Variants in TRAPPC13 observed in about 807,000 individuals in gnomAD.
TRAPPC13 encodes the protein trafficking protein particle complex subunit 13.
A neutral mutation model predicts 54.0 loss-of-function variants in TRAPPC13; 39 were observed. The ratio of observed to expected loss-of-function variants is 0.72; its 90% CI spans 0.56 to 0.94. The LOEUF (loss-of-function observed/expected upper bound fraction) is 0.94. TRAPPC13 is among the 40% of genes least tolerant of loss of function. TRAPPC13 has a pLI of 0.00. For missense variants in TRAPPC13, 386 were observed against 488.1 expected, an observed-to-expected ratio of 0.79 and a Z score of 1.97; for synonymous variants, 148 against 167.7, an observed-to-expected ratio of 0.88 and a Z score of 0.91.
intron 1 of TRAPPC13, among the ~76,000 whole-genome samples, chr5:65,627,113 C>CA (rs1338288300): frequency 2.0e-5 from 2 of 100,042 alleles, no homozygotes; most frequent in African/African-American, 3.8e-5. Flanking sequence ...GCCTGGGTGA[C>CA]AGAGTGAGAC....
rs1251905278 is a variant in TRAPPC13 at position 65,665,901 on chromosome 5, AAG to A, written c.*1293_*1294del. ...AATGTATATATAATTTCTTAAATGT[AAG>A]AGTGCATTAAATCAAATACAAAAAT... On this transcript the variant is annotated 3_prime_UTR_variant, in exon 13 of 13. Coordinates refer to ENST00000399438, the MANE Select transcript of TRAPPC13 (RefSeq NM_024941.4). The A allele has an allele frequency of 6.6e-6, 1 of 152,642 alleles. No homozygotes were observed. Among genetic ancestry groups the A allele is most frequent in the African/African-American group, 2.4e-5 (1 of 41,476 alleles). 9.5% of individuals were successfully genotyped at this position (152,642 alleles called of 1,614,324 possible). A position where few individuals can be genotyped will look rare whatever the true frequency, so the allele number is the denominator to read the frequency against.
chr5:65,648,314 G>T (rs192532033), intron 5 of TRAPPC13, among the ~76,000 whole-genome samples: 2 of 152,260 alleles, frequency 1.3e-5, no homozygotes, highest in East Asian at 3.9e-4. Context: ...TGCTAGACTA[G>T]ATTAAATCCC....
At chr5:65,639,048 C>T (rs978307277) in intron 4 of TRAPPC13, among the ~76,000 whole-genome samples, 1 of 152,198 alleles carries the variant, frequency 6.6e-6, no homozygotes, top group East Asian at 1.9e-4. Flanking sequence ...TGTGCCACTG[C>T]ACTCCAGGCT....
intron 1 of TRAPPC13, among the ~76,000 whole-genome samples, chr5:65,626,596 C>T (rs1755244017): frequency 6.6e-6 from 1 of 152,060 alleles, no homozygotes; most frequent in Non-Finnish European, 1.5e-5. Flanking sequence ...GTTAGCCAGG[C>T]GTGGTGGCGG....
intron 5 of TRAPPC13, among the ~76,000 whole-genome samples, chr5:65,650,032 A>G (rs1399840068): frequency 6.8e-6 from 1 of 147,532 alleles, no homozygotes; most frequent in Non-Finnish European, 1.5e-5. Context: ...GATTTTTTGT[A>G]TTTTTTTAGT....
At chr5:65,663,715 A>G (rs1756920642) in intron 11 of TRAPPC13, 1 of 152,318 alleles carries the variant, frequency 6.6e-6, no homozygotes, top group East Asian at 1.9e-4. Flanking sequence ...TATAAGCAGA[A>G]GTAGTCTTTT....
intron 1 of TRAPPC13, among the ~76,000 whole-genome samples, chr5:65,632,102 C>T (rs756656926): frequency 1.1e-4 from 16 of 151,316 alleles, no homozygotes; most frequent in Middle Eastern, 3.4e-3. Flanking sequence ...AAAAATTAAC[C>T]GGGCATGGTG....
intron 1 of TRAPPC13, among the ~76,000 whole-genome samples, chr5:65,629,243 G>A (rs28126): frequency 0.62 from 94,135 of 151,910 alleles, 29,466 homozygotes; most frequent in South Asian, 0.64. Flanking sequence ...GACTACTAGC[G>A]TTTTTAGGCA....
chr5:65,645,813 AAC>A (rs1756181366), intron 4 of TRAPPC13, among the ~76,000 whole-genome samples: 1 of 152,186 alleles, frequency 6.6e-6, no homozygotes, highest in Admixed American at 6.5e-5. Context: ...CAAACAAACA[AAC>A]AAACAAAAAA....
chr5:65,647,042 AC>A lies in TRAPPC13; in HGVS notation c.301-12del. On this transcript the variant is annotated splice_polypyrimidine_tract_variant and intron_variant, in intron 4 of 12. Transcript: ENST00000399438. The stretch of plus-strand genomic sequence containing the variant: ...CATTTGGACTTTTTTTTTTTTTTTA[AC>A]TTTCTTTCAAGGCTGATCTTCAGAC... The A allele has an allele frequency of 6.7e-7, 1 of 1,497,596 alleles. No homozygotes were observed. The highest frequency in any genetic ancestry group is 8.9e-7 in the Non-Finnish European group (1 of 1,125,576). The allele number at this position is 1,497,596 out of a possible 1,614,324, so 92.8% of individuals were successfully genotyped here. A position where few individuals can be genotyped will look rare whatever the true frequency, so the allele number is the denominator to read the frequency against.
intron 3 of TRAPPC13, among the ~76,000 whole-genome samples, chr5:65,636,253 C>T (rs1232983966): frequency 1.3e-5 from 2 of 151,076 alleles, no homozygotes; most frequent in Non-Finnish European, 2.9e-5. Flanking sequence ...AAGCAATTCT[C>T]GTGCCTCAGC....
chr5:65,650,921 T>A (rs751041521), intron 6 of TRAPPC13, 39 bp downstream of exon 6: 1 of 1,408,754 alleles, frequency 7.1e-7, no homozygotes, highest in South Asian at 1.2e-5. Flanking sequence ...TTTATATGCC[T>A]TTTTCTTCCT....
chr5:65,664,701 A>C lies in TRAPPC13; in HGVS notation c.*90A>C. ...AAAATGATGACGTCAACAACGAAGT[A>C]AATATGTTACTTAAATTTTCTTTCC... On this transcript the variant is annotated 3_prime_UTR_variant, in exon 13 of 13. Transcript: ENST00000399438. 2 of 879,386 alleles carry C rather than the reference A, an allele frequency of 2.3e-6. No individual in the cohort carries two copies. Among genetic ancestry groups the C allele is most frequent in the Non-Finnish European group, 1.8e-6 (1 of 560,086 alleles). The allele number at this position is 879,386 out of a possible 1,614,324, so 54.5% of individuals were successfully genotyped here.
intron 1 of TRAPPC13, 40 bp from the exon 2 acceptor site, chr5:65,635,261 G>A (rs1162186100): frequency 1.3e-6 from 2 of 1,540,422 alleles, no homozygotes; most frequent in Admixed American, 1.7e-5. Context: ...ACCCTAAGCA[G>A]TATTAATGTT....
At chr5:65,626,873 G>A (rs1755259378) in intron 1 of TRAPPC13, among the ~76,000 whole-genome samples, 1 of 151,970 alleles carries the variant, frequency 6.6e-6, no homozygotes, top group Non-Finnish European at 1.5e-5. Flanking sequence ...GCCAGGCGTG[G>A]TGGCTCACGC....
In TRAPPC13 at chr5:65,638,900, G is replaced by A. The variant is rs531570609; in HGVS notation, c.300+1120G>A. Among the ~76,000 whole-genome samples the A allele has an allele frequency of 3.3e-5, 5 of 152,152 alleles. No individual in the cohort carries two copies. The South Asian group carries it at 6.2e-4, about 19-fold the overall frequency. On this transcript the variant is annotated intron_variant, in intron 4 of 12. Coordinates refer to ENST00000399438, the MANE Select transcript of TRAPPC13 (RefSeq NM_024941.4). ...GGAGTTCGAGACCATCCTGCCCAAC[G>A]TGGTGAAATACCATCTCTACTAAAA...
Position 65,627,131 on chromosome 5 carries a change from C to CAAAAAAAAAAAAAAAAAAAAAAAAAAAA in TRAPPC13, c.46+2051_46+2052insAAAAAAAAAAAAAAAAAAAAAAAAAAAA, listed in dbSNP as rs60169195. On this transcript the variant is annotated intron_variant, in intron 1 of 12. Coordinates refer to ENST00000399438, the MANE Select transcript of TRAPPC13 (RefSeq NM_024941.4). ...TGGGTGACAGAGTGAGACCCTGTCT[C>CAAAAAAAAAAAAAAAAAAAAAAAAAAAA]AAAAAAAAAAAAAAAAAAAAAAAAA... Among the ~76,000 whole-genome samples the CAAAAAAAAAAAAAAAAAAAAAAAAAAAA allele has an allele frequency of 1.2e-4, 4 of 32,580 alleles. 1 individual carries two copies. Among genetic ancestry groups the CAAAAAAAAAAAAAAAAAAAAAAAAAAAA allele is most frequent in the Non-Finnish European group, 6.4e-5 (1 of 15,528 alleles). The allele number at this position is 32,580 out of a possible 152,430, so 21.4% of individuals were successfully genotyped here.
intron 4 of TRAPPC13, among the ~76,000 whole-genome samples, chr5:65,640,371 TACAA>T (rs921439787): frequency 2.6e-5 from 4 of 152,184 alleles, no homozygotes; most frequent in African/African-American, 7.2e-5. Flanking sequence ...GCACCGCCTC[TACAA>T]ACAAACAAAA....
Position 65,664,981 on chromosome 5 carries a change from G to A in TRAPPC13, c.*370G>A, listed in dbSNP as rs1351889509. On this transcript the variant is annotated 3_prime_UTR_variant, in exon 13 of 13. Coordinates refer to ENST00000399438, the MANE Select transcript of TRAPPC13 (RefSeq NM_024941.4). ...CTAAATATTTTAGGCTTTGCAGGCC[G>A]TAAGGTTTCTGTCACAAATACTGAA... 4.8e-6 allele frequency: 1 copy of A among 206,264 alleles called. No homozygotes were observed. The highest frequency in any genetic ancestry group is 7.3e-5 in the South Asian group (1 of 13,744). 12.8% of individuals were successfully genotyped at this position (206,264 alleles called of 1,614,324 possible). A position where few individuals can be genotyped will look rare whatever the true frequency, so the allele number is the denominator to read the frequency against.
Sources: allele counts gnomAD v4.1 joint callset (sites outside exome capture counted in the v4.1 genomes callset), GRCh38; gene constraint gnomAD v4.1.1; transcripts MANE v1.5; gene names NCBI Gene and HGNC (gene_info 2026-07-23, HGNC 2026-07-21).